The following COQ4 variants were observed in gnomAD, a reference collection of about 807,000 sequenced individuals.
COQ4 encodes the protein coenzyme Q4, also known as ubiquinone biosynthesis protein COQ4 homolog, mitochondrial.
Under a neutral mutation model 30.2 loss-of-function variants are expected in COQ4, and 36 were observed. That is an observed-to-expected ratio of 1.19 (90% CI 0.91 to 1.57). The LOEUF (loss-of-function observed/expected upper bound fraction) is 1.57. Among genes scored for constraint, COQ4 ranks in the 40% most tolerant of loss-of-function variants. The pLI, the probability that COQ4 is intolerant of heterozygous loss-of-function variation, is 0.00. For synonymous variants in COQ4, 197 were observed against 161.0 expected, an observed-to-expected ratio of 1.22 and a Z score of -1.69; for missense variants, 369 against 371.9, an observed-to-expected ratio of 0.99 and a Z score of 0.07.
In COQ4 at chr9:128,323,081, C is replaced by T. The variant is rs546928533; in HGVS notation, c.136C>T (p.Pro46Ser). The T allele has an allele frequency of 2.5e-6, 4 of 1,612,186 alleles. No homozygotes were observed. The highest frequency in any genetic ancestry group is 1.1e-5 in the South Asian group (1 of 91,060). ...ATACTCGCACCACCTCCCCACCTCCCCGCTGCAGAAAGGGCTGTTGGCCGC... is the reference window on the plus strand; with the variant it reads ...ATACTCGCACCACCTCCCCACCTCCTCGCTGCAGAAAGGGCTGTTGGCCGC... ...PLYSHHLPTS[P>S]LQKGLLAAGS... The change falls in exon 2 of 7, where the codon CCG becomes TCG. Residue 46 changes from proline (P) to serine (S), a missense_variant. Physicochemically the swap from Pro to Ser is moderately conservative, Grantham distance 74. Transcript: ENST00000300452.
intron 4 of COQ4, among the ~76,000 whole-genome samples, chr9:128,328,728 C>G (rs1832361158): frequency 6.6e-6 from 1 of 152,220 alleles, no homozygotes; most frequent in Non-Finnish European, 1.5e-5. Context: ...TTTAAACCAT[C>G]TCTCTCAGAT....
intron 2 of COQ4, among the ~76,000 whole-genome samples, chr9:128,324,785 G>A (rs569541972): frequency 1.4e-5 from 2 of 142,968 alleles, no homozygotes; most frequent in South Asian, 4.2e-4. Context: ...GAAGCAATTT[G>A]TACTAGGTCA....
chr9:128,332,321 T>C, intron 5 of COQ4, 39 bp downstream of exon 5: 1 of 1,606,690 alleles, frequency 6.2e-7, no homozygotes. Flanking sequence ...CTCCCTGGGG[T>C]GGCTTCAGGG....
intron 1 of COQ4, 28 bp from the exon 2 acceptor site, chr9:128,322,988 T>C: frequency 6.2e-7 from 1 of 1,609,278 alleles, no homozygotes; most frequent in Non-Finnish European, 8.5e-7. Flanking sequence ...CCGGCTCCTC[T>C]GACCTCGGCC....
chr9:128,333,934 T>G lies in COQ4; in HGVS notation c.*289T>G. On this transcript the variant is annotated 3_prime_UTR_variant, in exon 7 of 7. Coordinates refer to ENST00000300452, the MANE Select transcript of COQ4 (RefSeq NM_016035.5). ...GATGTCGCAGTGCTCCTGTTGCAAC[T>G]CCTCCCAGCCAGCCAGGTTTGCTGG... 1 of 240,980 alleles carries G rather than the reference T, an allele frequency of 4.1e-6. No individual in the cohort carries two copies. Among genetic ancestry groups the G allele is most frequent in the Non-Finnish European group, 8.0e-6 (1 of 125,586 alleles). 14.9% of individuals were successfully genotyped at this position (240,980 alleles called of 1,614,324 possible). A position where few individuals can be genotyped will look rare whatever the true frequency, so the allele number is the denominator to read the frequency against.
At position 128,333,844 on chromosome 9, in the gene COQ4, G is replaced by C. The variant is rs1832456424; in HGVS notation, c.*199G>C. The C allele has an allele frequency of 2.3e-6, 1 of 433,706 alleles. No homozygotes were observed. Among genetic ancestry groups the C allele is most frequent in the African/African-American group, 2.1e-5 (1 of 48,764 alleles). 26.9% of individuals were successfully genotyped at this position (433,706 alleles called of 1,614,324 possible). On this transcript the variant is annotated 3_prime_UTR_variant, in exon 7 of 7. Transcript: ENST00000300452. ...GCAAGCAGTACAGTGGCATTCCCAG[G>C]GGGACCAGCAGCTACCCAAGGAGAA...
intron 4 of COQ4, among the ~76,000 whole-genome samples, chr9:128,330,185 A>G (rs1177884754): frequency 6.6e-6 from 1 of 150,668 alleles, no homozygotes; most frequent in African/African-American, 2.5e-5. Context: ...CCTGACCAAC[A>G]TGGTGAAACC....
intron 5 of COQ4, 130 bp downstream of exon 5, chr9:128,332,412 T>C (rs1832430526): frequency 1.0e-6 from 1 of 972,210 alleles, no homozygotes. Flanking sequence ...CTGAACATCT[T>C]AGTAGCATCT....
At chr9:128,326,196 A>G (rs1214858437) in intron 4 of COQ4, 3 of 531,674 alleles carry the variant, frequency 5.6e-6, no homozygotes, top group Admixed American at 7.2e-5. Context: ...AGATAAGGAA[A>G]CAGAGGCTCA....
intron 4 of COQ4, chr9:128,331,736 T>C (rs1429879048): frequency 8.1e-6 from 1 of 124,176 alleles, no homozygotes; most frequent in Non-Finnish European, 1.6e-5. Flanking sequence ...TTGTTCTGGG[T>C]TTTTTTTTTC....
intron 4 of COQ4, 44 bp from the exon 5 acceptor site, chr9:128,332,109 G>A: frequency 6.5e-7 from 1 of 1,543,728 alleles, no homozygotes; most frequent in Non-Finnish European, 8.8e-7. Flanking sequence ...ATCGGGCCCT[G>A]GGAACCATCA....
Position 128,332,944 on chromosome 9 carries a change from G to A in COQ4, c.626+1G>A. On this transcript the variant is annotated splice_donor_variant, in intron 6 of 6. Transcript: ENST00000300452. LOFTEE classifies it high-confidence loss of function. ...TTGGACCGATCCGACTTGGCGCTCA[G>A]TAAGTTTTCAAGTGGTAGCTGGGTC... The A allele has an allele frequency of 6.2e-7, 1 of 1,613,328 alleles. No homozygotes were observed. Among genetic ancestry groups the A allele is most frequent in the Non-Finnish European group, 8.5e-7 (1 of 1,179,230 alleles).
chr9:128,330,720 C>T (rs1336727589), intron 4 of COQ4: 3 of 152,130 alleles, frequency 2.0e-5, no homozygotes, highest in African/African-American at 7.2e-5. Flanking sequence ...CCGCCTCGGC[C>T]TCCCAAAGTG....
intron 4 of COQ4, among the ~76,000 whole-genome samples, chr9:128,327,456 CAAAA>C (rs1222297487): frequency 1.8e-4 from 28 of 151,706 alleles, no homozygotes; most frequent in African/African-American, 6.1e-4. Flanking sequence ...CAAAACAAAA[CAAAA>C]AAATTCATAT....
intron 2 of COQ4, chr9:128,323,603 T>G (rs571960916): frequency 5.4e-5 from 20 of 373,634 alleles, no homozygotes; most frequent in East Asian, 2.0e-4. Context: ...GGTTCTACAG[T>G]GTTTTTCTTA....
chr9:128,333,716 G>T lies in COQ4; in HGVS notation c.*71G>T. The stretch of plus-strand genomic sequence containing the variant: ...TCCCTTGGAGGCAGAGGGCTCCCTT[G>T]ACTACCTTTGTTCCTCTTCTTTGAA... On this transcript the variant is annotated 3_prime_UTR_variant, in exon 7 of 7. Coordinates refer to ENST00000300452, the MANE Select transcript of COQ4 (RefSeq NM_016035.5). 2 of 1,300,956 alleles carry T rather than the reference G, an allele frequency of 1.5e-6. No homozygotes were observed. Among genetic ancestry groups the T allele is most frequent in the Non-Finnish European group, 2.0e-6 (2 of 976,954 alleles). The allele number at this position is 1,300,956 out of a possible 1,614,324, so 80.6% of individuals were successfully genotyped here. A position where few individuals can be genotyped will look rare whatever the true frequency, so the allele number is the denominator to read the frequency against.
chr9:128,327,726 C>T (rs1832345214), intron 4 of COQ4, among the ~76,000 whole-genome samples: 1 of 152,102 alleles, frequency 6.6e-6, no homozygotes, highest in Non-Finnish European at 1.5e-5. Flanking sequence ...ATCAGTTGAG[C>T]CCAGGAGGTC....
intron 2 of COQ4, 152 bp downstream of exon 2, chr9:128,323,299 TAAACGCACTG>T: frequency 1.3e-6 from 1 of 758,042 alleles, no homozygotes; most frequent in African/African-American, 1.8e-5. Flanking sequence ...GGATCCCACC[TAAACGCACTG>T]AATCTGAATC....
chr9:128,327,059 T>G (rs1407652713), intron 4 of COQ4, among the ~76,000 whole-genome samples: 2 of 152,166 alleles, frequency 1.3e-5, no homozygotes, highest in African/African-American at 4.8e-5. Context: ...AACCATTGTT[T>G]TGTGTACAGG....
Sources: gnomAD v4.1 joint callset for allele counts (sites outside exome capture counted in the v4.1 genomes callset) on GRCh38, gnomAD v4.1.1 for gene constraint, MANE v1.5 for transcripts, NCBI Gene and HGNC (gene_info 2026-07-23, HGNC 2026-07-21) for gene names.